Variants in SLC24A2 observed in about 807,000 individuals in gnomAD.
SLC24A2 encodes sodium/potassium/calcium exchanger 2.
SLC24A2 carries 36 observed loss-of-function variants against 62.0 expected under a neutral mutation model. The ratio of observed to expected loss-of-function variants is 0.58; its 90% CI spans 0.44 to 0.77. SLC24A2 has a LOEUF of 0.77. Among genes scored for constraint, SLC24A2 ranks in the 30% least tolerant of loss-of-function variants. SLC24A2 has a pLI of 0.00. For synonymous variants in SLC24A2, 358 were observed against 294.0 expected (o/e 1.22, Z -2.23); for missense variants, 846 against 817.9 (o/e 1.03, Z -0.42).
intron 8 of SLC24A2, 48 bp from the exon 9 acceptor site, chr9:19,528,186 G>T: frequency 8.2e-7 from 1 of 1,215,544 alleles, no homozygotes; most frequent in South Asian, 1.3e-5. Flanking sequence ...TATCCATTGA[G>T]ACTGATCTGG....
chr9:19,527,215 G>T (rs767957795), intron 9 of SLC24A2, among the ~76,000 whole-genome samples: 12 of 152,116 alleles, frequency 7.9e-5, no homozygotes, highest in Non-Finnish European at 1.6e-4. Context: ...TGGGAAGTTT[G>T]GAATTTATGT....
intron 8 of SLC24A2, among the ~76,000 whole-genome samples, chr9:19,538,372 C>T (rs1207950650): frequency 4.2e-4 from 57 of 137,326 alleles, no homozygotes; most frequent in Admixed American, 1.0e-3. Context: ...TTTTGAAATA[C>T]GTCCCATCAA....
chr9:20,095,566 T>C, the SLC24A2 span, among the ~76,000 whole-genome samples: 8 of 152,204 alleles, frequency 5.3e-5, no homozygotes, highest in African/African-American at 1.9e-4. Flanking sequence ...GCCTTTTTTT[T>C]CTACTTCCAG....
the SLC24A2 span, among the ~76,000 whole-genome samples, chr9:20,052,350 C>G: frequency 1.3e-5 from 2 of 152,160 alleles, no homozygotes; most frequent in Non-Finnish European, 2.9e-5. Context: ...GTCATCTTCT[C>G]CTTTGGCGTT....
the SLC24A2 span, among the ~76,000 whole-genome samples, chr9:20,273,702 T>C: frequency 4.9e-3 from 739 of 152,320 alleles, 8 homozygotes; most frequent in African/African-American, 0.015. Flanking sequence ...CTTTCTTTTG[T>C]AAATTGCCCA....
the SLC24A2 span, among the ~76,000 whole-genome samples, chr9:19,815,962 T>C: frequency 3.5e-3 from 445 of 128,062 alleles, 2 homozygotes; most frequent in African/African-American, 0.015. Flanking sequence ...TTTGCCCCTT[T>C]TTTTTTTTTT....
At chr9:19,855,907 C>T in the SLC24A2 span, among the ~76,000 whole-genome samples, 2 of 152,274 alleles carry the variant, frequency 1.3e-5, no homozygotes, top group East Asian at 3.9e-4. Context: ...TTCTCCCTGT[C>T]TTTTTCAGGT....
chr9:20,151,859 T>C, the SLC24A2 span, among the ~76,000 whole-genome samples: 17 of 151,882 alleles, frequency 1.1e-4, no homozygotes, highest in South Asian at 2.1e-3. Flanking sequence ...GAATCTCACC[T>C]CCAATAAGTT....
the SLC24A2 span, among the ~76,000 whole-genome samples, chr9:20,114,691 C>T: frequency 9.2e-5 from 14 of 152,086 alleles, no homozygotes; most frequent in South Asian, 4.1e-4. Context: ...TGAATCTCCA[C>T]GCATTTTAGC....
the SLC24A2 span, among the ~76,000 whole-genome samples, chr9:20,021,453 A>G: frequency 6.6e-6 from 1 of 152,048 alleles, no homozygotes; most frequent in Non-Finnish European, 1.5e-5. Flanking sequence ...TGGATTATTA[A>G]TAATAATCCA....
chr9:19,947,460 G>C, the SLC24A2 span, among the ~76,000 whole-genome samples: 1 of 146,450 alleles, frequency 6.8e-6, no homozygotes, highest in Admixed American at 6.7e-5. Context: ...AAGAAAGAAA[G>C]GCAGGAAGGC....
At chr9:19,878,479 C>A in the SLC24A2 span, among the ~76,000 whole-genome samples, 15 of 152,264 alleles carry the variant, frequency 9.9e-5, no homozygotes, top group South Asian at 2.9e-3. Context: ...GCATAATGAT[C>A]ATGACAATCT....
chr9:20,142,310 C>T, the SLC24A2 span, among the ~76,000 whole-genome samples: 1 of 152,014 alleles, frequency 6.6e-6, no homozygotes, highest in Non-Finnish European at 1.5e-5. Flanking sequence ...GTACAAATGT[C>T]TCTTCAAGTT....
intron 8 of SLC24A2, among the ~76,000 whole-genome samples, chr9:19,531,825 T>A (rs1375886474): frequency 2.0e-5 from 3 of 152,056 alleles, no homozygotes; most frequent in Non-Finnish European, 4.4e-5. Context: ...TCTTTAAGCT[T>A]AGGTTTCTTC....
In SLC24A2 at chr9:19,576,374, G is replaced by C. The variant is rs897508928; in HGVS notation, c.1228+550C>G. On this transcript the variant is annotated intron_variant, in intron 6 of 10. Coordinates refer to ENST00000341998, the MANE Select transcript of SLC24A2 (RefSeq NM_020344.4). ...TCATACAGGAGCTCTGCAAAAGTCA[G>C]TGGAAAGAGACCTGGGGGCTGTTAC... Among the ~76,000 whole-genome samples the C allele has an allele frequency of 2.0e-5, 3 of 152,286 alleles. No homozygotes were observed. In the East Asian group the frequency reaches 5.8e-4, roughly 29 times the overall value.
At chr9:19,828,959 T>C in the SLC24A2 span, among the ~76,000 whole-genome samples, 2 of 152,138 alleles carry the variant, frequency 1.3e-5, no homozygotes. Context: ...AGATCCCTAA[T>C]GGACACCCTG....
intron 4 of SLC24A2, among the ~76,000 whole-genome samples, chr9:19,615,806 C>T (rs1262054073): frequency 6.6e-6 from 1 of 152,186 alleles, no homozygotes; most frequent in Non-Finnish European, 1.5e-5. Context: ...TGGAAAATCA[C>T]TGATGGCCCA....
chr9:19,523,380 G>C (rs537076266), intron 9 of SLC24A2, among the ~76,000 whole-genome samples: 4 of 152,160 alleles, frequency 2.6e-5, no homozygotes, highest in Non-Finnish European at 5.9e-5. Context: ...CAGAATTGTT[G>C]ATGACTATAT....
At chr9:20,088,924 T>C in the SLC24A2 span, among the ~76,000 whole-genome samples, 36 of 152,046 alleles carry the variant, frequency 2.4e-4, no homozygotes, top group South Asian at 6.4e-3. Flanking sequence ...AAATCCAAGG[T>C]GACTAGGGAC....
Sources: gnomAD v4.1 joint callset for allele counts (sites outside exome capture counted in the v4.1 genomes callset) on GRCh38, gnomAD v4.1.1 for gene constraint, MANE v1.5 for transcripts, NCBI Gene and HGNC (gene_info 2026-07-23, HGNC 2026-07-21) for gene names.